AVIL: variants seen among roughly 807,000 people sequenced by gnomAD.
AVIL encodes advillin.
AVIL carries 78 observed loss-of-function variants against 109.9 expected under a neutral mutation model. The ratio of observed to expected loss-of-function variants is 0.71; its 90% CI spans 0.59 to 0.86. The LOEUF is 0.86. Among genes scored for constraint, AVIL ranks in the 40% least tolerant of loss-of-function variants. The pLI is 0.00. For synonymous variants in AVIL, 367 were observed against 379.1 expected (o/e 0.97, Z 0.37); for missense variants, 892 against 1,016.5 (o/e 0.88, Z 1.67).
chr12:57,815,841 C>T, intron 2 of AVIL, 134 bp downstream of exon 2: 1 of 1,539,934 alleles, frequency 6.5e-7, no homozygotes, highest in Non-Finnish European at 8.7e-7. Flanking sequence ...GAAATAGGTA[C>T]TTTGATGCTG....
At position 57,797,852 on chromosome 12, in the gene AVIL, G is replaced by T; in HGVS notation, c.*30C>A. ...ATTGGCACTATCTGCTCTTTTCTGT[G>T]GCCTTGCAATAGGTATAGGCCTTCT... is the stretch of plus-strand genomic sequence containing the variant. On this transcript the variant is annotated 3_prime_UTR_variant, in exon 20 of 20. Transcript: ENST00000549994. 4 of 1,497,198 alleles carry T rather than the reference G, an allele frequency of 2.7e-6. No homozygotes were observed. The highest frequency in any genetic ancestry group is 1.3e-5 in the South Asian group (1 of 79,502). 92.7% of individuals were successfully genotyped at this position (1,497,198 alleles called of 1,614,324 possible). A position where few individuals can be genotyped will look rare whatever the true frequency, so the allele number is the denominator to read the frequency against.
Position 57,808,702 on chromosome 12 carries a change from A to G in AVIL, c.940-154T>C, listed in dbSNP as rs976546142. On this transcript the variant is annotated intron_variant, in intron 9 of 19. Coordinates refer to ENST00000549994, the MANE Select transcript of AVIL (RefSeq NM_006576.4). ...CTAACTCACTTTTGTCTAAGGACCAAGGTACCTGCCTAAAAAAAAAATGAC... is the reference window on the plus strand; with the variant it reads ...CTAACTCACTTTTGTCTAAGGACCAGGGTACCTGCCTAAAAAAAAAATGAC... 1.1e-5 allele frequency: 10 copies of G among 889,584 alleles called. No homozygotes were observed. The African/African-American group carries it at 1.5e-4, about 13-fold the overall frequency. The allele number at this position is 889,584 out of a possible 1,614,324, so 55.1% of individuals were successfully genotyped here. A position where few individuals can be genotyped will look rare whatever the true frequency, so the allele number is the denominator to read the frequency against.
chr12:57,816,146 C>G (rs750796026), intron 1 of AVIL, 87 bp from the exon 2 acceptor site: 84 of 1,106,542 alleles, frequency 7.6e-5, no homozygotes, highest in Middle Eastern at 2.1e-4. Context: ...GCTTCCCAGT[C>G]TGTTGTCAGC....
intron 7 of AVIL, 109 bp from the exon 8 acceptor site, chr12:57,809,999 G>T: frequency 1.9e-6 from 2 of 1,079,346 alleles, no homozygotes; most frequent in South Asian, 2.7e-5. Flanking sequence ...GGTAGAGTGT[G>T]ACTGCCTAAG....
At position 57,803,642 on chromosome 12, in the gene AVIL, C is replaced by T. The variant is rs760129329; in HGVS notation, c.1699G>A (p.Ala567Thr). 1.9e-6 allele frequency: 3 copies of T among 1,614,156 alleles called. No homozygotes were observed. Among genetic ancestry groups the T allele is most frequent in the Non-Finnish European group, 2.5e-6 (3 of 1,180,030 alleles). The change falls in exon 15 of 20, where the codon GCT (alanine) becomes ACT (threonine). Residue 567 changes from alanine to threonine, a missense_variant. By Grantham distance (58) the Ala-to-Thr change is moderately conservative (BLOSUM62 0). Transcript: ENST00000549994. ...KGSSGDERAM[A>T]KELASLLCDG... ...CAGAGAAGGCTGGCCAGCTCCTTAG[C>T]CATTGCCCGCTCATCCCCACTAGAC...
chr12:57,808,372 GGAT>G lies in AVIL; in HGVS notation c.1093+20_1093+22del. On this transcript the variant is annotated intron_variant, in intron 10 of 19. Coordinates refer to ENST00000549994, the MANE Select transcript of AVIL (RefSeq NM_006576.4). ...CTTTTCTAGAGTCTTAGCAATGAGAGGATGATCTGGGGGCAGTCTCACCAATTT... is the reference window on the plus strand; with the variant it reads ...CTTTTCTAGAGTCTTAGCAATGAGAGGATCTGGGGGCAGTCTCACCAATTT... The G allele has an allele frequency of 6.2e-7, 1 of 1,614,108 alleles. No individual in the cohort carries two copies.
chr12:57,802,100 C>T lies in AVIL; in HGVS notation c.2151+60G>A, dbSNP rs932572282. 3.8e-6 allele frequency: 6 copies of T among 1,562,486 alleles called. No individual in the cohort carries two copies. In the African/African-American group the frequency reaches 8.1e-5, roughly 21 times the overall value. ...TGAATCAGTACTCCACCTTCCTGCC[C>T]ACTGAGCTGTTCTGAGCTACCTGGC... On this transcript the variant is annotated intron_variant, in intron 17 of 19. Coordinates refer to ENST00000549994, the MANE Select transcript of AVIL (RefSeq NM_006576.4).
chr12:57,801,262 G>GGGAC, intron 17 of AVIL, 50 bp from the exon 18 acceptor site: 1 of 1,496,662 alleles, frequency 6.7e-7, no homozygotes, highest in Non-Finnish European at 9.3e-7. Flanking sequence ...TTATAGGGGA[G>GGGAC]GGACATCTTA....
intron 14 of AVIL, among the ~76,000 whole-genome samples, chr12:57,805,611 G>A (rs1595164207): frequency 6.7e-6 from 1 of 149,882 alleles, no homozygotes; most frequent in African/African-American, 2.5e-5. Flanking sequence ...TCGGCTCACC[G>A]CAACCTCCGT....
rs568312501 is a variant in AVIL at position 57,805,620 on chromosome 12, G to A, written c.1671+740C>T. Among the ~76,000 whole-genome samples the A allele has an allele frequency of 2.7e-5, 4 of 148,464 alleles. No homozygotes were observed. In the East Asian group the frequency reaches 6.2e-4, roughly 23 times the overall value. On this transcript the variant is annotated intron_variant, in intron 14 of 19. Transcript: ENST00000549994. Reference sequence around the variant, plus strand: ...GCGATCTCGGCTCACCGCAACCTCCGTCTACTGGGTTCAAGCGATTCTCCT... The same window carrying A: ...GCGATCTCGGCTCACCGCAACCTCCATCTACTGGGTTCAAGCGATTCTCCT...
chr12:57,812,726 G>A (rs1956053078), intron 4 of AVIL, among the ~76,000 whole-genome samples: 1 of 152,006 alleles, frequency 6.6e-6, no homozygotes, highest in African/African-American at 2.4e-5. Flanking sequence ...CTTACTTTGT[G>A]TGCTAAGCAC....
Position 57,807,349 on chromosome 12 carries a change from C to T in AVIL, c.1473G>A (p.Gly491=), listed in dbSNP as rs746658178. The change falls in exon 13 of 20, where the codon GGG becomes GGA. Residue 491 remains glycine, a synonymous_variant. Transcript: ENST00000549994. ...TCCTCACCTCAAAGATAACTAGCTT[C>T]CCTTTGAAGATGGCCATGAAGTGGC... is the stretch of plus-strand genomic sequence containing the variant. ...EPRHFMAIFK[G]KLVIFEGGTS... is the part of the protein sequence containing the mutation. The T allele has an allele frequency of 6.8e-6, 11 of 1,614,218 alleles. No individual in the cohort carries two copies. The highest frequency in any genetic ancestry group is 1.6e-4 in the Middle Eastern group (1 of 6,062).
intron 14 of AVIL, chr12:57,804,444 GTTTTTTGTTTTACTTGAGTAAA>G (rs1955910417): frequency 6.6e-6 from 1 of 152,226 alleles, no homozygotes; most frequent in East Asian, 1.9e-4. Flanking sequence ...TGTGAAGATA[GTTTTTTGTTTTACTTGAGTAAA>G]TACCCAGGAG....
intron 13 of AVIL, 142 bp downstream of exon 13, chr12:57,807,189 G>T (rs1427565669): frequency 1.6e-6 from 2 of 1,236,304 alleles, no homozygotes; most frequent in East Asian, 4.7e-5. Flanking sequence ...GACTGTCTTA[G>T]AGGGATTAAC....
At chr12:57,817,530 A>T (rs1239903859) in intron 1 of AVIL, among the ~76,000 whole-genome samples, 1 of 152,038 alleles carries the variant, frequency 6.6e-6, no homozygotes, top group Non-Finnish European at 1.5e-5. Flanking sequence ...TTGCCAGGAA[A>T]TATGGTGTTT....
rs1331708533 is a variant in AVIL, at chr12:57,814,144, G to A, written c.141+8C>T. On this transcript the variant is annotated splice_region_variant and intron_variant, in intron 3 of 19. Transcript: ENST00000549994. ...GAGGCTCACAGGAGTGGGGAGGAGG[G>A]TGCTCACCGAGAGGATGACGTAGCA... 5 of 1,612,520 alleles carry A rather than the reference G, an allele frequency of 3.1e-6. No individual in the cohort carries two copies. Among genetic ancestry groups the A allele is most frequent in the Non-Finnish European group, 4.2e-6 (5 of 1,179,542 alleles).
chr12:57,799,217 GAGA>G (rs1371603340), intron 19 of AVIL, among the ~76,000 whole-genome samples: 1 of 152,208 alleles, frequency 6.6e-6, no homozygotes, highest in Non-Finnish European at 1.5e-5. Flanking sequence ...GATGATTTGG[GAGA>G]AGGATGTTTT....
chr12:57,817,673 C>T (rs1479791429), intron 1 of AVIL, among the ~76,000 whole-genome samples: 5 of 152,052 alleles, frequency 3.3e-5, no homozygotes, highest in Non-Finnish European at 5.9e-5. Context: ...CCAAACCAGC[C>T]GGCAGCAATT....
At chr12:57,807,302 A>G (rs1428015383) in intron 13 of AVIL, 29 bp downstream of exon 13, 6 of 1,613,688 alleles carry the variant, frequency 3.7e-6, no homozygotes, top group Non-Finnish European at 5.1e-6. Flanking sequence ...GTTCCAGCTC[A>G]TGGTGTAATT....
Sources: allele counts gnomAD v4.1 joint callset (sites outside exome capture counted in the v4.1 genomes callset), GRCh38; gene constraint gnomAD v4.1.1; transcripts MANE v1.5; gene names NCBI Gene and HGNC (gene_info 2026-07-23, HGNC 2026-07-21).